Variants in OSMR observed in about 807,000 individuals in gnomAD.
OSMR encodes the protein oncostatin-M-specific receptor subunit beta.
A neutral mutation model predicts 99.9 loss-of-function variants in OSMR; 81 were observed. The ratio of observed to expected loss-of-function variants is 0.81; its 90% CI spans 0.68 to 0.97. OSMR has a LOEUF of 0.97. Among genes scored for constraint, OSMR ranks in the 50% least tolerant of loss-of-function variants. The pLI is 0.00. For missense variants in OSMR, 1,099 were observed against 1,153.4 expected (o/e 0.95, Z 0.68); for synonymous variants, 406 against 410.4 (o/e 0.99, Z 0.13).
chr5:38,875,299 C>G (rs957729417), intron 2 of OSMR, among the ~76,000 whole-genome samples: 5 of 152,310 alleles, frequency 3.3e-5, no homozygotes, highest in African/African-American at 1.2e-4. Flanking sequence ...TTTTCCTCCT[C>G]TTAAGTGGAA....
intron 1 of OSMR, among the ~76,000 whole-genome samples, chr5:38,852,718 A>ATTTTTTTT (rs61559728): frequency 0.018 from 1,260 of 70,594 alleles, 304 homozygotes; most frequent in African/African-American, 0.039. Flanking sequence ...TATTGTTTTC[A>ATTTTTTTT]TTTTTTTTTT....
At chr5:38,868,945 T>G (rs967384448) in intron 1 of OSMR, 87 bp from the exon 2 acceptor site, 7 of 1,510,206 alleles carry the variant, frequency 4.6e-6, no homozygotes, top group Non-Finnish European at 6.3e-6. Flanking sequence ...GAGCCTTTAT[T>G]GCCTCATCTA....
rs532068945 is a variant in OSMR, at chr5:38,942,687, C to T, written c.75-1514C>T. 42 of 618,414 alleles carry T rather than the reference C, an allele frequency of 6.8e-5. No individual in the cohort carries two copies. In the East Asian group the frequency reaches 1.1e-3, roughly 16 times the overall value. The allele number at this position is 618,414 out of a possible 1,614,324, so 38.3% of individuals were successfully genotyped here. On this transcript the variant is annotated intron_variant and NMD_transcript_variant, in intron 1 of 2. Transcript: ENST00000508882. ...CCCAGGCTGGTCTTGAATTCCTGGG[C>T]TCAAGCAATTCTCCCGCGCTGACCC...
intron 1 of OSMR, among the ~76,000 whole-genome samples, chr5:38,943,697 C>A (rs1014269089): frequency 9.9e-5 from 15 of 152,062 alleles, no homozygotes; most frequent in African/African-American, 3.6e-4. Context: ...CCTGTAATCC[C>A]AGCTACTTGG....
At chr5:38,866,332 C>T (rs1373057635) in intron 1 of OSMR, among the ~76,000 whole-genome samples, 2 of 152,058 alleles carry the variant, frequency 1.3e-5, no homozygotes, top group Non-Finnish European at 2.9e-5. Context: ...TGGACTGGTC[C>T]CCAGCCCCCC....
Position 38,918,314 on chromosome 5 carries a change from G to A in OSMR, c.1363-526G>A, listed in dbSNP as rs1746036255. Among the ~76,000 whole-genome samples, 3 of 152,150 alleles carry A rather than the reference G, an allele frequency of 2.0e-5. No individual in the cohort carries two copies. In the South Asian group the frequency reaches 6.2e-4, roughly 32 times the overall value. On this transcript the variant is annotated intron_variant, in intron 10 of 17. Coordinates refer to ENST00000274276, the MANE Select transcript of OSMR (RefSeq NM_003999.3). ...CAGGGGAGGGGAGGCCTGAGGAACA[G>A]ACCCCAGAAGTGGGCTTGGGACTGT...
In OSMR at chr5:38,885,220, C is replaced by T. The variant is rs1160939666; in HGVS notation, c.704-129C>T. ...ACTTTTGGAGGCTGTTGATAGGTAG[C>T]CTTCCACCTCAGTGACCCCTTCCTT... On this transcript the variant is annotated intron_variant, in intron 5 of 17. Coordinates refer to ENST00000274276, the MANE Select transcript of OSMR (RefSeq NM_003999.3). 4.6e-6 allele frequency: 7 copies of T among 1,525,962 alleles called. No homozygotes were observed. In the East Asian group the frequency reaches 1.7e-4, roughly 37 times the overall value. The allele number at this position is 1,525,962 out of a possible 1,614,324, so 94.5% of individuals were successfully genotyped here. A position where few individuals can be genotyped will look rare whatever the true frequency, so the allele number is the denominator to read the frequency against.
At position 38,858,515 on chromosome 5, in the gene OSMR, G is replaced by A. The variant is rs139978919; in HGVS notation, c.-13-10517G>A. Among the ~76,000 whole-genome samples the A allele has an allele frequency of 1.5e-3, 228 of 152,208 alleles. 1 individual carries two copies. The highest frequency in any genetic ancestry group is 2.6e-3 in the Non-Finnish European group (178 of 68,010). On this transcript the variant is annotated intron_variant, in intron 1 of 17. Transcript: ENST00000274276. ...ACATTTTCTGTATCACTTGTCTGGT[G>A]TACAACACAGTTTAATTCCATATCT...
intron 1 of OSMR, among the ~76,000 whole-genome samples, chr5:38,855,728 T>A (rs1042687413): frequency 1.5e-5 from 1 of 66,510 alleles, no homozygotes; most frequent in African/African-American, 6.1e-5. Context: ...CCCCCCCACC[T>A]GTTGTCCCTC....
Position 38,924,514 on chromosome 5 carries a change from G to T in OSMR, c.1963G>T (p.Gly655Cys), listed in dbSNP as rs1746382299. 1 of 1,614,106 alleles carries T rather than the reference G, an allele frequency of 6.2e-7. No individual in the cohort carries two copies. The change falls in exon 14 of 18, where the codon GGT (glycine) becomes TGT (cysteine). Residue 655 changes from glycine to cysteine, a missense_variant. By Grantham distance (159) the Gly-to-Cys change is radical (BLOSUM62 -3). Transcript: ENST00000274276. ...WKDYSTESQP[G>C]FIQGYHVYLK... ...AGATTACTCTACTGAATCTCAACCT[G>T]GTTTTATACAAGGGTACCATGTCTA...
intron 2 of OSMR, chr5:38,944,834 T>G: frequency 7.4e-7 from 1 of 1,345,598 alleles, no homozygotes. Context: ...TAATTTACAG[T>G]ATTTACGAAA....
chr5:38,941,022 A>AT (rs1747510299), intron 1 of OSMR: 1 of 232,864 alleles, frequency 4.3e-6, no homozygotes, highest in Non-Finnish European at 8.5e-6. Flanking sequence ...TAATCCTTTC[A>AT]TTTACAAGCA....
intron 9 of OSMR, among the ~76,000 whole-genome samples, chr5:38,904,843 C>T (rs1050020230): frequency 6.6e-6 from 1 of 152,108 alleles, no homozygotes; most frequent in Non-Finnish European, 1.5e-5. Flanking sequence ...GTGTTAATGA[C>T]AAGGAAAGCA....
intron 1 of OSMR, among the ~76,000 whole-genome samples, chr5:38,857,920 A>G (rs536105945): frequency 2.2e-4 from 33 of 152,222 alleles, no homozygotes; most frequent in African/African-American, 6.7e-4. Context: ...CTCCCACCTC[A>G]GCCTCCCAAA....
Position 38,883,823 on chromosome 5 carries a change from G to T in OSMR, c.419-4G>T, listed in dbSNP as rs1453212661. 6.2e-7 allele frequency: 1 copy of T among 1,611,830 alleles called. No homozygotes were observed. ...TCTAACTTGGCTATTTTTTTTTCTT[G>T]CAGTACAAGATTCTACTGGACAGGA... is the stretch of plus-strand genomic sequence containing the variant. On this transcript the variant is annotated splice_polypyrimidine_tract_variant and splice_region_variant and intron_variant, in intron 4 of 17. Coordinates refer to ENST00000274276, the MANE Select transcript of OSMR (RefSeq NM_003999.3).
At chr5:38,875,464 T>C (rs373430437) in intron 2 of OSMR, among the ~76,000 whole-genome samples, 2 of 152,234 alleles carry the variant, frequency 1.3e-5, no homozygotes, top group South Asian at 2.1e-4. Flanking sequence ...GCCTAAGAGA[T>C]AGGCTGCTGC....
intron 7 of OSMR, 72 bp downstream of exon 7, chr5:38,886,262 A>G: frequency 1.2e-6 from 2 of 1,611,666 alleles, no homozygotes; most frequent in Non-Finnish European, 1.7e-6. Context: ...GTGATCAAGT[A>G]AATGTGCTGT....
At chr5:38,847,206 C>T (rs1739915645) in intron 1 of OSMR, among the ~76,000 whole-genome samples, 1 of 152,208 alleles carries the variant, frequency 6.6e-6, no homozygotes, top group Admixed American at 6.5e-5. Flanking sequence ...AAGATTAAAA[C>T]TGACTTTGGA....
Position 38,912,666 on chromosome 5 carries a change from G to A in OSMR, c.1286-4880G>A, listed in dbSNP as rs182893147. ...AAGCAATAGGCAGCACATTACCCCA[G>A]TTCAAACTATACTACAAGATTACAG... On this transcript the variant is annotated intron_variant, in intron 9 of 17. Coordinates refer to ENST00000274276, the MANE Select transcript of OSMR (RefSeq NM_003999.3). Among the ~76,000 whole-genome samples the A allele has an allele frequency of 5.3e-5, 8 of 152,162 alleles. No homozygotes were observed. In the East Asian group the frequency reaches 1.5e-3, roughly 29 times the overall value.
Sources: gnomAD v4.1 joint callset for allele counts (sites outside exome capture counted in the v4.1 genomes callset) on GRCh38, gnomAD v4.1.1 for gene constraint, MANE v1.5 for transcripts, NCBI Gene and HGNC (gene_info 2026-07-23, HGNC 2026-07-21) for gene names.